HNRNPA2B1: variants seen among roughly 807,000 people sequenced by gnomAD.
The protein encoded by HNRNPA2B1 is heterogeneous nuclear ribonucleoproteins A2/B1.
Under a neutral mutation model 46.3 loss-of-function variants are expected in HNRNPA2B1, and 3 were observed. That is an observed-to-expected ratio of 0.06 (90% CI 0.03 to 0.17). The LOEUF is 0.17. HNRNPA2B1 is among the 10% of genes least tolerant of loss of function. HNRNPA2B1 has a pLI of 1.00. For missense variants in HNRNPA2B1, 221 were observed against 418.9 expected (o/e 0.53, Z 4.12); for synonymous variants, 225 against 133.8 (o/e 1.68, Z -4.70).
rs770089393 is a variant in HNRNPA2B1, at chr7:26,193,259, T to C, written c.956A>G (p.Tyr319Cys). The change falls in exon 9 of 11, where the codon TAT (tyrosine) becomes TGT (cysteine). Residue 319 changes from tyrosine to cysteine, a missense_variant. Tyr to Cys is a radical substitution (Grantham distance 194). This residue lies in a region of HNRNPA2B1 where 143 missense variants were observed against 200.5 expected (regional missense o/e 0.71). Transcript: ENST00000618183. ...FGGSRNMGGP[Y>C]GGGNYGPGGS... Reference sequence around the variant, plus strand: ...CAATTTTTATAAATTACCTCCACCATATGGTCCCCCCATGTTCCTGCTACC... The same window carrying C: ...CAATTTTTATAAATTACCTCCACCACATGGTCCCCCCATGTTCCTGCTACC... 6.2e-7 allele frequency: 1 copy of C among 1,612,874 alleles called. No homozygotes were observed. The highest frequency in any genetic ancestry group is 1.1e-5 in the South Asian group (1 of 90,710).
chr7:26,194,052 C>A (rs1455378035), intron 7 of HNRNPA2B1, among the ~76,000 whole-genome samples: 1 of 152,144 alleles, frequency 6.6e-6, no homozygotes, highest in African/African-American at 2.4e-5. Flanking sequence ...CTCCTACTGG[C>A]CCAAAAGATA....
At chr7:26,199,775 A>C (rs1370189848) in intron 1 of HNRNPA2B1, 1 of 152,154 alleles carries the variant, frequency 6.6e-6, no homozygotes, top group South Asian at 2.1e-4. Context: ...GACAGGAAAA[A>C]CATAAAATGG....
rs1460943647 is a variant in HNRNPA2B1, at chr7:26,190,235, T to A, written c.*2125A>T. On this transcript the variant is annotated 3_prime_UTR_variant, in exon 11 of 11. Transcript: ENST00000618183. ...ATGATACATTTATCTCTCTAGCCAA[T>A]TTGATGTTACTGTTTTACAAACAAC... 3.9e-5 allele frequency: 6 copies of A among 152,780 alleles called. No individual in the cohort carries two copies. The highest frequency in any genetic ancestry group is 1.4e-4 in the African/African-American group (6 of 41,586). 9.5% of individuals were successfully genotyped at this position (152,780 alleles called of 1,614,324 possible).
chr7:26,199,059 ATT>A (rs1784032141), intron 1 of HNRNPA2B1: 1 of 152,116 alleles, frequency 6.6e-6, no homozygotes, highest in African/African-American at 2.4e-5. Flanking sequence ...AGTTATTTTC[ATT>A]TTTTCAGCTA....
intron 6 of HNRNPA2B1, 44 bp from the exon 7 acceptor site, chr7:26,195,953 A>T (rs1347639545): frequency 1.3e-6 from 2 of 1,559,182 alleles, no homozygotes; most frequent in Non-Finnish European, 1.7e-6. Context: ...TAAACTGTTC[A>T]GCATTATTGC....
At chr7:26,192,458 A>C in intron 10 of HNRNPA2B1, 37 bp downstream of exon 10, 2 of 1,387,926 alleles carry the variant, frequency 1.4e-6, no homozygotes, top group Non-Finnish European at 2.1e-6. Context: ...TATGTCTCCC[A>C]AGATAATAAT....
chr7:26,196,296 G>C lies in HNRNPA2B1; in HGVS notation c.658+105C>G, dbSNP rs910968755. ...AGGATACAATCTATTTGAAGTCTTA[G>C]GAAAATTGACTTAGGTTGGATTTCT... On this transcript the variant is annotated intron_variant, in intron 6 of 10. Transcript: ENST00000618183. 3 of 926,132 alleles carry C rather than the reference G, an allele frequency of 3.2e-6. No individual in the cohort carries two copies. In the South Asian group the frequency reaches 5.0e-5, roughly 16 times the overall value. 57.4% of individuals were successfully genotyped at this position (926,132 alleles called of 1,614,324 possible).
Position 26,192,584 on chromosome 7 carries a change from T to G in HNRNPA2B1, c.965-7A>C, listed in dbSNP as rs1178098670. ...CCTCCTGGACCATAGTTTCCTATAATTGTTGGAACAGCAAGAGAAAACAAA... is the reference window on the plus strand; with the variant it reads ...CCTCCTGGACCATAGTTTCCTATAAGTGTTGGAACAGCAAGAGAAAACAAA... On this transcript the variant is annotated splice_region_variant and splice_polypyrimidine_tract_variant and intron_variant, in intron 9 of 10. Coordinates refer to ENST00000618183, the MANE Select transcript of HNRNPA2B1 (RefSeq NM_002137.4). The G allele has an allele frequency of 6.2e-7, 1 of 1,613,378 alleles. No individual in the cohort carries two copies. Among genetic ancestry groups the G allele is most frequent in the African/African-American group, 1.3e-5 (1 of 74,908 alleles).
chr7:26,195,668 C>A, intron 7 of HNRNPA2B1, 179 bp downstream of exon 7: 2 of 609,448 alleles, frequency 3.3e-6, no homozygotes, highest in South Asian at 4.4e-5. Context: ...GCACTCTATT[C>A]CTTAGGCTAT....
At chr7:26,200,321 T>C in intron 1 of HNRNPA2B1, 1 of 560,730 alleles carries the variant, frequency 1.8e-6, no homozygotes, top group Admixed American at 3.2e-5. Flanking sequence ...CGGGGCAGCG[T>C]CCGCCATGTG....
chr7:26,197,873 G>GA, intron 1 of HNRNPA2B1, 141 bp from the exon 2 acceptor site: 6 of 1,579,804 alleles, frequency 3.8e-6, no homozygotes, highest in Non-Finnish European at 5.1e-6. Flanking sequence ...TTTTCTGGGG[G>GA]GAAAAAAAAA....
At chr7:26,192,374 G>A in intron 10 of HNRNPA2B1, 36 bp from the exon 11 acceptor site, 1 of 706,440 alleles carries the variant, frequency 1.4e-6, no homozygotes, top group East Asian at 2.5e-5. Context: ...AAAAAAAATA[G>A]GTTATGAAAT....
In HNRNPA2B1 at chr7:26,197,048, A is replaced by G. The variant is rs1313659634; in HGVS notation, c.265-31T>C. 2.6e-6 allele frequency: 4 copies of G among 1,518,808 alleles called. No homozygotes were observed. The African/African-American group carries it at 5.5e-5, about 21-fold the overall frequency. 94.1% of individuals were successfully genotyped at this position (1,518,808 alleles called of 1,614,324 possible). Reference sequence around the variant, plus strand: ...ATAGTGGTGGGGTAAAAGTCATCCAAACAGAAAAAAACACAAGCATAATTC... The same window carrying G: ...ATAGTGGTGGGGTAAAAGTCATCCAGACAGAAAAAAACACAAGCATAATTC... On this transcript the variant is annotated intron_variant, in intron 3 of 10. Transcript: ENST00000618183.
intron 1 of HNRNPA2B1, chr7:26,199,235 C>A (rs1016025503): frequency 1.3e-5 from 2 of 152,594 alleles, no homozygotes; most frequent in African/African-American, 4.8e-5. Context: ...CGATTTTAAA[C>A]AATGTTATTT....
chr7:26,199,736 G>C (rs115053938), intron 1 of HNRNPA2B1: 1 of 151,972 alleles, frequency 6.6e-6, no homozygotes, highest in East Asian at 1.9e-4. Flanking sequence ...TGCAGACCCA[G>C]ATAAAACCGT....
rs58068323 is a variant in HNRNPA2B1 at position 26,192,841 on chromosome 7, A to C, written c.965-264T>G. 4.0e-3 allele frequency among the ~76,000 whole-genome samples: 607 copies of C among 152,230 alleles called. 4 individuals are homozygous for C. Among genetic ancestry groups the C allele is most frequent in the African/African-American group, 0.014 (572 of 41,530 alleles). ...TTGGACTGAGTAAGGGATTTTTTTA[A>C]AAGTACATCAAGCCCAAGACAAAGC... On this transcript the variant is annotated intron_variant, in intron 9 of 10. Transcript: ENST00000618183.
In HNRNPA2B1 at chr7:26,192,656, T is replaced by C. The variant is rs1037497707; in HGVS notation, c.965-79A>G. On this transcript the variant is annotated intron_variant, in intron 9 of 10. Coordinates refer to ENST00000618183, the MANE Select transcript of HNRNPA2B1 (RefSeq NM_002137.4). The stretch of plus-strand genomic sequence containing the variant: ...CAGCCTAACACTACAGTTGATTCTA[T>C]TTTATATCCATCCAGTCTTTTAAAC... The C allele has an allele frequency of 1.2e-5, 14 of 1,141,052 alleles. No homozygotes were observed. In the African/African-American group the frequency reaches 2.0e-4, roughly 16 times the overall value. 70.7% of individuals were successfully genotyped at this position (1,141,052 alleles called of 1,614,324 possible). A position where few individuals can be genotyped will look rare whatever the true frequency, so the allele number is the denominator to read the frequency against.
intron 1 of HNRNPA2B1, chr7:26,198,705 G>C (rs1005929723): frequency 2.0e-5 from 3 of 152,224 alleles, no homozygotes; most frequent in Non-Finnish European, 4.4e-5. Flanking sequence ...AAGGAAACCT[G>C]TCTTAAAAGT....
intron 1 of HNRNPA2B1, chr7:26,197,957 C>T: frequency 3.8e-6 from 3 of 781,914 alleles, no homozygotes; most frequent in Non-Finnish European, 6.1e-6. Context: ...CTCAGCTGAT[C>T]TACACAAGTT....
Sources: allele counts gnomAD v4.1 joint callset (sites outside exome capture counted in the v4.1 genomes callset), GRCh38; gene constraint gnomAD v4.1.1; regional missense constraint gnomAD v4.1.1; transcripts MANE v1.5; gene names NCBI Gene and HGNC (gene_info 2026-07-23, HGNC 2026-07-21).